Variants in COG5 observed in about 807,000 individuals in gnomAD.
The protein encoded by COG5 is conserved oligomeric Golgi complex subunit 5.
COG5 carries 86 observed loss-of-function variants against 110.4 expected under a neutral mutation model. That is an observed-to-expected ratio of 0.78 (90% CI 0.65 to 0.93). COG5 has a LOEUF of 0.93. Ranked by LOEUF, COG5 falls within the 40% of genes least tolerant of loss-of-function variation. COG5 has a pLI of 0.00. For missense variants in COG5, 1,077 were observed against 987.0 expected (o/e 1.09, Z -1.22); for synonymous variants, 360 against 334.6 (o/e 1.08, Z -0.83).
chr7:107,317,414 C>A (rs1562965756), intron 11 of COG5, among the ~76,000 whole-genome samples: 2 of 152,060 alleles, frequency 1.3e-5, no homozygotes, highest in Non-Finnish European at 2.9e-5. Flanking sequence ...CATTAAACTT[C>A]CAGAGTTTGG....
At chr7:107,414,109 T>A (rs1397972948) in intron 6 of COG5, among the ~76,000 whole-genome samples, 1 of 152,226 alleles carries the variant, frequency 6.6e-6, no homozygotes, top group South Asian at 2.1e-4. Context: ...ATAACAGATA[T>A]AACTGTTCAA....
chr7:107,487,833 T>C (rs548184081), intron 6 of COG5, among the ~76,000 whole-genome samples: 203 of 152,232 alleles, frequency 1.3e-3, no homozygotes, highest in African/African-American at 4.7e-3. Flanking sequence ...TTTATGTTTA[T>C]TAACATGGCA....
intron 7 of COG5, among the ~76,000 whole-genome samples, chr7:107,390,354 A>G (rs1028760738): frequency 2.0e-5 from 3 of 152,164 alleles, no homozygotes; most frequent in South Asian, 2.1e-4. Flanking sequence ...ACGGCAAGGT[A>G]TAGATAAAAA....
chr7:107,300,903 C>CATAT (rs1480012062), intron 11 of COG5, among the ~76,000 whole-genome samples: 1 of 151,996 alleles, frequency 6.6e-6, no homozygotes, highest in Non-Finnish European at 1.5e-5. Flanking sequence ...GATTTCAAGA[C>CATAT]ATATAAAACT....
rs763686424 is a variant in COG5, at chr7:107,362,110, C to T, written c.949G>A (p.Val317Ile). Residue 317 changes from valine to isoleucine, a missense_variant and splice_region_variant, in exon 10 of 22, where the codon GTA (valine) becomes ATA (isoleucine). Val to Ile is a conservative substitution (Grantham distance 29). Coordinates refer to ENST00000297135, the MANE Select transcript of COG5 (RefSeq NM_006348.5). ...MDHIYAVCGQ[V>I]QHLQKVLAKK... Reference sequence around the variant, plus strand: ...GCCAATACTTTTTGTAGATGTTGTACCTTAAATGAAACAAATGTAAAGCTT... The same window carrying T: ...GCCAATACTTTTTGTAGATGTTGTATCTTAAATGAAACAAATGTAAAGCTT... 2 of 1,602,410 alleles carry T rather than the reference C, an allele frequency of 1.2e-6. No homozygotes were observed. The highest frequency in any genetic ancestry group is 1.3e-5 in the African/African-American group (1 of 74,814).
chr7:107,407,348 C>T (rs1340003871), intron 7 of COG5, among the ~76,000 whole-genome samples: 3 of 152,172 alleles, frequency 2.0e-5, no homozygotes, highest in Non-Finnish European at 4.4e-5. Context: ...TGCCGCTGCA[C>T]TCCAACCTGG....
chr7:107,294,903 GTGTGTGT>G (rs1806496933), intron 12 of COG5, among the ~76,000 whole-genome samples: 1 of 109,608 alleles, frequency 9.1e-6, no homozygotes, highest in African/African-American at 3.3e-5. Flanking sequence ...GTGTGTGTGT[GTGTGTGT>G]GTGTGTGTGT....
rs1813015912 is a variant in COG5, at chr7:107,360,506, A to T, written c.1026+1527T>A. Among the ~76,000 whole-genome samples the T allele has an allele frequency of 2.0e-5, 3 of 152,246 alleles. No individual in the cohort carries two copies. The South Asian group carries it at 6.2e-4, about 32-fold the overall frequency. On this transcript the variant is annotated intron_variant, in intron 10 of 21. Coordinates refer to ENST00000297135, the MANE Select transcript of COG5 (RefSeq NM_006348.5). The stretch of plus-strand genomic sequence containing the variant: ...AGCTGTGGCCCTTTGGGAAGCCCAC[A>T]CCTAGATGCACCCCGAGCCAGGGTT...
chr7:107,510,185 A>T (rs546095378), intron 6 of COG5, among the ~76,000 whole-genome samples: 24 of 152,234 alleles, frequency 1.6e-4, no homozygotes, highest in African/African-American at 4.3e-4. Context: ...TAGGCTCAAA[A>T]TAAAGGGATG....
intron 6 of COG5, among the ~76,000 whole-genome samples, chr7:107,503,166 G>A (rs941801756): frequency 6.6e-6 from 1 of 151,988 alleles, no homozygotes; most frequent in African/African-American, 2.4e-5. Flanking sequence ...TCCATCTTGG[G>A]TTGATTTTTA....
chr7:107,391,358 A>G (rs79026644), intron 7 of COG5, among the ~76,000 whole-genome samples: 25,252 of 152,130 alleles, frequency 0.17, 2,411 homozygotes, highest in Non-Finnish European at 0.22. Flanking sequence ...AGTTCTAAGC[A>G]TCCTTTGTGT....
At chr7:107,562,486 A>C (rs892919485) in intron 1 of COG5, among the ~76,000 whole-genome samples, 2 of 152,198 alleles carry the variant, frequency 1.3e-5, no homozygotes, top group Non-Finnish European at 2.9e-5. Context: ...TCCTACTGCT[A>C]TCTTACATCA....
In COG5 at chr7:107,332,503, G is replaced by A. The variant is rs756528481; in HGVS notation, c.1027-7982C>T. Among the ~76,000 whole-genome samples, 11 of 152,296 alleles carry A rather than the reference G, an allele frequency of 7.2e-5. No individual in the cohort carries two copies. The Middle Eastern group carries it at 0.01, about 141-fold the overall frequency. ...ATAAATATTTTAAAAGGAAGGGGAT[G>A]AAGAGGAGGAGGAATCAATAAAGGA... On this transcript the variant is annotated intron_variant, in intron 10 of 21. Coordinates refer to ENST00000297135, the MANE Select transcript of COG5 (RefSeq NM_006348.5).
intron 16 of COG5, 41 bp from the exon 17 acceptor site, chr7:107,248,540 T>C: frequency 7.1e-7 from 1 of 1,400,584 alleles, no homozygotes. Flanking sequence ...GAGGCAAGAT[T>C]AAAGAAAAAC....
At chr7:107,294,882 TG>T (rs1269988929) in intron 12 of COG5, among the ~76,000 whole-genome samples, 5 of 618 alleles carry the variant, frequency 8.1e-3, no homozygotes, top group East Asian at 0.2. Context: ...TGCCTGGATT[TG>T]TGTGTGTGTG....
In COG5 at chr7:107,469,989, A is replaced by G. The variant is rs990870808; in HGVS notation, c.538+57248T>C. The G allele has an allele frequency of 3.9e-5, 6 of 152,168 alleles. No homozygotes were observed. In the East Asian group the frequency reaches 1.2e-3, roughly 29 times the overall value. 9.4% of individuals were successfully genotyped at this position (152,168 alleles called of 1,614,324 possible). A position where few individuals can be genotyped will look rare whatever the true frequency, so the allele number is the denominator to read the frequency against. Reference sequence around the variant, plus strand: ...ATGAAGCACAGTTTAAGCCCAATACAACTGACCAATCAAAATTAGTGAATA... The same window carrying G: ...ATGAAGCACAGTTTAAGCCCAATACGACTGACCAATCAAAATTAGTGAATA... On this transcript the variant is annotated intron_variant, in intron 6 of 21. Coordinates refer to ENST00000297135, the MANE Select transcript of COG5 (RefSeq NM_006348.5).
rs539690964 is a variant in COG5, at chr7:107,444,594, T to G, written c.539-31962A>C. ...TTTATTTTGAAACTTCATAGCACAT[T>G]GTTAATATCTTTTTGAATACTGATC... On this transcript the variant is annotated intron_variant, in intron 6 of 21. Coordinates refer to ENST00000297135, the MANE Select transcript of COG5 (RefSeq NM_006348.5). Among the ~76,000 whole-genome samples the G allele has an allele frequency of 2.2e-4, 34 of 152,330 alleles. No homozygotes were observed. In the South Asian group the frequency reaches 6.8e-3, roughly 31 times the overall value.
chr7:107,309,830 T>A (rs1049171245), intron 11 of COG5, among the ~76,000 whole-genome samples: 1 of 152,186 alleles, frequency 6.6e-6, no homozygotes, highest in Non-Finnish European at 1.5e-5. Context: ...ACACAAAAAG[T>A]ATATTCGTAT....
At chr7:107,331,416 C>T (rs992496096) in intron 10 of COG5, among the ~76,000 whole-genome samples, 5 of 151,650 alleles carry the variant, frequency 3.3e-5, no homozygotes, top group African/African-American at 4.9e-5. Flanking sequence ...TGCAGTGAGC[C>T]GAGATCACAG....
Sources: allele counts gnomAD v4.1 joint callset (sites outside exome capture counted in the v4.1 genomes callset), GRCh38; gene constraint gnomAD v4.1.1; transcripts MANE v1.5; gene names NCBI Gene and HGNC (gene_info 2026-07-23, HGNC 2026-07-21).